The following NUP205 variants were observed in gnomAD, a reference collection of about 807,000 sequenced individuals.
NUP205 encodes the protein nucleoporin 205, also known as nuclear pore complex protein Nup205.
In NUP205, 76 loss-of-function variants were observed where a neutral mutation model predicts 253.8. The ratio of observed to expected loss-of-function variants is 0.30; its 90% CI spans 0.25 to 0.36. The LOEUF (loss-of-function observed/expected upper bound fraction) is 0.36. Ranked by LOEUF, NUP205 falls within the 10% of genes least tolerant of loss-of-function variation. NUP205 has a pLI of 1.00. For missense variants in NUP205, 2,162 were observed against 2,425.5 expected (o/e 0.89, Z 2.28); for synonymous variants, 832 against 850.1 (o/e 0.98, Z 0.37).
Position 135,594,577 on chromosome 7 carries a change from C to T in NUP205, c.1861C>T (p.His621Tyr), listed in dbSNP as rs942369008. ...AAATGCTCGCTTGGCACTCTGTGAA[C>T]ACCCTCAGTGGACCCCTGTTGTGGT... ...SENARLALCE[H>Y]PQWTPVVVIL... The change falls in exon 13 of 43, where the codon CAC becomes TAC. Residue 621 changes from histidine (H) to tyrosine (Y), a missense_variant. This residue lies in a region of NUP205 where 892 missense variants were observed against 957.1 expected (regional missense o/e 0.93). Transcript: ENST00000285968. The T allele has an allele frequency of 6.2e-6, 10 of 1,609,114 alleles. No individual in the cohort carries two copies. Among genetic ancestry groups the T allele is most frequent in the Non-Finnish European group, 8.5e-6 (10 of 1,178,210 alleles).
chr7:135,629,860 A>G (rs1156932654), intron 34 of NUP205, among the ~76,000 whole-genome samples: 2 of 152,182 alleles, frequency 1.3e-5, no homozygotes, highest in African/African-American at 4.8e-5. Flanking sequence ...ATTTTTTTAA[A>G]AAAAGAATTA....
intron 19 of NUP205, among the ~76,000 whole-genome samples, 193 bp from the exon 20 acceptor site, chr7:135,605,952 A>G (rs1396273223): frequency 6.6e-6 from 1 of 151,750 alleles, no homozygotes; most frequent in African/African-American, 2.4e-5. Flanking sequence ...TTCTTTAATT[A>G]TGTGTATAGA....
intron 38 of NUP205, among the ~76,000 whole-genome samples, chr7:135,639,118 A>C (rs999418144): frequency 6.6e-6 from 1 of 152,216 alleles, no homozygotes; most frequent in Admixed American, 6.5e-5. Flanking sequence ...AACTTACCCT[A>C]TAATTCTTTA....
intron 30 of NUP205, among the ~76,000 whole-genome samples, chr7:135,620,578 T>C (rs1246845968): frequency 6.6e-5 from 10 of 152,240 alleles, no homozygotes; most frequent in Non-Finnish European, 1.3e-4. Context: ...GAAACACTTA[T>C]CTGCCATTTT....
At chr7:135,601,025 T>A in intron 16 of NUP205, 56 bp downstream of exon 16, 7 of 890,080 alleles carry the variant, frequency 7.9e-6, no homozygotes, top group Non-Finnish European at 1.2e-5. Context: ...ATTTATAAAT[T>A]ATGGCTATGT....
At chr7:135,598,534 T>C (rs1278899287) in intron 15 of NUP205, among the ~76,000 whole-genome samples, 6 of 152,138 alleles carry the variant, frequency 3.9e-5, no homozygotes, top group Non-Finnish European at 8.8e-5. Context: ...TTGGAATGGT[T>C]TAGGTTAGGG....
chr7:135,581,227 A>G (rs1250983415), intron 7 of NUP205, among the ~76,000 whole-genome samples: 1 of 152,166 alleles, frequency 6.6e-6, no homozygotes, highest in Non-Finnish European at 1.5e-5. Context: ...ACTTTTATCA[A>G]ATGTTTTTAT....
Position 135,604,469 on chromosome 7 carries a change from T to C in NUP205, c.2823+9T>C. Reference sequence around the variant, plus strand: ...ATTTCACACATGACCAGGTAACTGATTTTGTTGCTCTTGTTATTTTTTGGT... The same window carrying C: ...ATTTCACACATGACCAGGTAACTGACTTTGTTGCTCTTGTTATTTTTTGGT... On this transcript the variant is annotated intron_variant, in intron 19 of 42. Transcript: ENST00000285968. 6.3e-7 allele frequency: 1 copy of C among 1,597,520 alleles called. No individual in the cohort carries two copies. Among genetic ancestry groups the C allele is most frequent in the Non-Finnish European group, 8.5e-7 (1 of 1,174,934 alleles).
At chr7:135,559,623 G>A (rs967061798) in intron 1 of NUP205, among the ~76,000 whole-genome samples, 1 of 151,718 alleles carries the variant, frequency 6.6e-6, no homozygotes, top group Non-Finnish European at 1.5e-5. Flanking sequence ...TTTCTGCCTC[G>A]GCCTCCCAAA....
chr7:135,570,709 AATATAATTAATTATATTT>A (rs1405775580), intron 1 of NUP205, among the ~76,000 whole-genome samples: 1 of 94,814 alleles, frequency 1.1e-5, no homozygotes, highest in East Asian at 4.0e-4. Flanking sequence ...TAATTATATT[AATATAATTAATTATATTT>A]ATATATTATA....
intron 36 of NUP205, among the ~76,000 whole-genome samples, 181 bp from the exon 37 acceptor site, chr7:135,637,750 A>G (rs759829401): frequency 2.0e-5 from 3 of 152,204 alleles, no homozygotes; most frequent in Non-Finnish European, 4.4e-5. Flanking sequence ...CTACCAATCA[A>G]ATACCTTTGC....
chr7:135,603,315 A>G (rs891853782), intron 18 of NUP205, among the ~76,000 whole-genome samples: 12 of 151,616 alleles, frequency 7.9e-5, no homozygotes, highest in Admixed American at 7.9e-4. Flanking sequence ...GGGTTTCACC[A>G]TGTTGGTGAG....
intron 1 of NUP205, among the ~76,000 whole-genome samples, chr7:135,570,378 C>A (rs1805923249): frequency 6.6e-6 from 1 of 151,464 alleles, no homozygotes; most frequent in South Asian, 2.1e-4. Context: ...CCACACCCGG[C>A]TAATTTTTGT....
intron 1 of NUP205, among the ~76,000 whole-genome samples, chr7:135,559,715 G>A (rs933053372): frequency 1.4e-5 from 2 of 147,734 alleles, no homozygotes; most frequent in African/African-American, 5.0e-5. Context: ...TTTTGAGATG[G>A]AGTCTCATCC....
chr7:135,645,146 C>A, intron 40 of NUP205, 128 bp downstream of exon 40: 1 of 1,020,520 alleles, frequency 9.8e-7, no homozygotes, highest in Non-Finnish European at 1.5e-6. Flanking sequence ...CCAGTAAATG[C>A]CTAATGTATT....
At chr7:135,616,174 A>C in intron 24 of NUP205, 109 bp downstream of exon 24, 1 of 972,382 alleles carries the variant, frequency 1.0e-6, no homozygotes, top group Non-Finnish European at 1.5e-6. Flanking sequence ...CTATCTTCTC[A>C]CTTTTAGAAT....
chr7:135,567,140 A>ATG (rs1805795442), intron 1 of NUP205, among the ~76,000 whole-genome samples: 1 of 41,466 alleles, frequency 2.4e-5, no homozygotes, highest in South Asian at 5.4e-4. Context: ...ATATATATAT[A>ATG]TATATATATA....
intron 42 of NUP205, among the ~76,000 whole-genome samples, chr7:135,647,496 G>C (rs923672321): frequency 6.6e-6 from 1 of 152,210 alleles, no homozygotes; most frequent in Non-Finnish European, 1.5e-5. Context: ...ATTAGCCAAA[G>C]AAGATTATTC....
At chr7:135,600,993 A>G (rs371030359) in intron 16 of NUP205, 24 bp downstream of exon 16, 401 of 1,287,252 alleles carry the variant, frequency 3.1e-4, no homozygotes, top group Non-Finnish European at 4.0e-4. Context: ...GTCACTTTCA[A>G]ACAAGTTGTC....
Sources: allele counts gnomAD v4.1 joint callset (sites outside exome capture counted in the v4.1 genomes callset), GRCh38; gene constraint gnomAD v4.1.1; regional missense constraint gnomAD v4.1.1; transcripts MANE v1.5; gene names NCBI Gene and HGNC (gene_info 2026-07-23, HGNC 2026-07-21).